Variants in CA10 observed in about 807,000 individuals in gnomAD.
CA10 encodes the protein carbonic anhydrase-related protein 10.
In CA10, 14 loss-of-function variants were observed where a neutral mutation model predicts 44.2. The ratio of observed to expected loss-of-function variants is 0.32; its 90% CI spans 0.21 to 0.50. The LOEUF is 0.50. CA10 is among the 20% of genes least tolerant of loss of function. The probability of loss-of-function intolerance (pLI) is 0.99; values close to 1 mark genes in which losing one functional copy is unlikely to be tolerated. For missense variants in CA10, 350 were observed against 409.7 expected (o/e 0.85, Z 1.26); for synonymous variants, 159 against 141.6 (o/e 1.12, Z -0.87).
At chr17:52,034,988 T>C (rs1171448187) in intron 2 of CA10, among the ~76,000 whole-genome samples, 1 of 152,076 alleles carries the variant, frequency 6.6e-6, no homozygotes, top group African/African-American at 2.4e-5. Flanking sequence ...ACAAAAGAAC[T>C]GTATAACTGG....
At chr17:51,988,345 G>A (rs1984919033) in intron 2 of CA10, among the ~76,000 whole-genome samples, 2 of 151,924 alleles carry the variant, frequency 1.3e-5, no homozygotes, top group South Asian at 2.1e-4. Context: ...ATGAAATGAA[G>A]CAGTCAGTAA....
chr17:51,793,433 C>G (rs1196551486), intron 3 of CA10, among the ~76,000 whole-genome samples: 1 of 152,194 alleles, frequency 6.6e-6, no homozygotes, highest in Non-Finnish European at 1.5e-5. Flanking sequence ...CAGACTGCAA[C>G]AAACTGAATC....
At chr17:51,838,711 T>A (rs1409436574) in intron 3 of CA10, among the ~76,000 whole-genome samples, 6 of 152,204 alleles carry the variant, frequency 3.9e-5, no homozygotes, top group Non-Finnish European at 5.9e-5. Flanking sequence ...AGCAAATATC[T>A]CTATATACAT....
chr17:51,789,306 G>T (rs538549194), intron 3 of CA10, among the ~76,000 whole-genome samples: 1 of 152,204 alleles, frequency 6.6e-6, no homozygotes, highest in Non-Finnish European at 1.5e-5. Flanking sequence ...GTGAGCCACC[G>T]TGCCCGGCCC....
At chr17:52,060,049 G>A (rs1205252704) in intron 2 of CA10, among the ~76,000 whole-genome samples, 1 of 152,082 alleles carries the variant, frequency 6.6e-6, no homozygotes, top group Non-Finnish European at 1.5e-5. Flanking sequence ...TTACTGATTG[G>A]TGATAGAAAT....
chr17:52,071,071 A>G (rs1243160770), intron 2 of CA10, among the ~76,000 whole-genome samples: 3 of 152,206 alleles, frequency 2.0e-5, no homozygotes. Context: ...GACATCCTCA[A>G]TTGTAAGTAT....
chr17:51,749,870 C>T (rs1904833666), intron 3 of CA10, among the ~76,000 whole-genome samples: 2 of 152,172 alleles, frequency 1.3e-5, no homozygotes, highest in Non-Finnish European at 1.5e-5. Context: ...ATCTTTGTGT[C>T]TCTTCGTTCT....
At chr17:52,005,081 C>T (rs1985551943) in intron 2 of CA10, among the ~76,000 whole-genome samples, 1 of 151,786 alleles carries the variant, frequency 6.6e-6, no homozygotes, top group Non-Finnish European at 1.5e-5. Context: ...AGTATATAAC[C>T]AAGATCCTGG....
At chr17:51,907,309 G>A (rs764912646) in intron 3 of CA10, among the ~76,000 whole-genome samples, 2 of 151,988 alleles carry the variant, frequency 1.3e-5, no homozygotes, top group Non-Finnish European at 2.9e-5. Context: ...ACTTAGGTTG[G>A]CTCAAATGTT....
chr17:52,093,041 A>T (rs1347223768), intron 1 of CA10, among the ~76,000 whole-genome samples: 1 of 152,120 alleles, frequency 6.6e-6, no homozygotes, highest in East Asian at 1.9e-4. Context: ...CGAGAAAAAA[A>T]ATTGGTTTTG....
At chr17:51,695,342 T>C (rs1296330256) in intron 4 of CA10, among the ~76,000 whole-genome samples, 1 of 151,978 alleles carries the variant, frequency 6.6e-6, no homozygotes, top group Non-Finnish European at 1.5e-5. Context: ...TTTTGTTTTG[T>C]TTTGTTTTTG....
At chr17:51,652,705 G>A (rs1169293402) in intron 5 of CA10, among the ~76,000 whole-genome samples, 1 of 152,194 alleles carries the variant, frequency 6.6e-6, no homozygotes. Context: ...TGCCCCAGGT[G>A]CCCATTCTTC....
At chr17:51,670,940 C>A (rs1420933998) in intron 4 of CA10, among the ~76,000 whole-genome samples, 1 of 152,124 alleles carries the variant, frequency 6.6e-6, no homozygotes, top group Non-Finnish European at 1.5e-5. Context: ...GTTATCTGGC[C>A]TCTAATAGAC....
chr17:52,022,427 C>T (rs1986171115), intron 2 of CA10, among the ~76,000 whole-genome samples: 1 of 152,006 alleles, frequency 6.6e-6, no homozygotes, highest in South Asian at 2.1e-4. Context: ...AAACCCTCAA[C>T]AAAGTAGGCA....
chr17:51,890,398 C>T (rs2143908002), intron 3 of CA10, among the ~76,000 whole-genome samples: 1 of 152,232 alleles, frequency 6.6e-6, no homozygotes, highest in Non-Finnish European at 1.5e-5. Context: ...CCTTGGCTTC[C>T]TCATTTGTAA....
intron 4 of CA10, 100 bp downstream of exon 4, chr17:51,747,533 A>T (rs1243140530): frequency 1.0e-6 from 1 of 957,876 alleles, no homozygotes; most frequent in Non-Finnish European, 1.6e-6. Flanking sequence ...TTCATAGATT[A>T]GAGCGAATCC....
At chr17:51,867,080 TA>T (rs757495783) in intron 3 of CA10, among the ~76,000 whole-genome samples, 89 of 147,116 alleles carry the variant, frequency 6.0e-4, no homozygotes, top group East Asian at 3.2e-3. Flanking sequence ...CCTGTGCTAT[TA>T]AAAAAAAAAG....
chr17:52,059,209 A>C (rs769513095), intron 2 of CA10, among the ~76,000 whole-genome samples: 1 of 152,188 alleles, frequency 6.6e-6, no homozygotes, highest in Non-Finnish European at 1.5e-5. Flanking sequence ...CTGTGGATGA[A>C]ATCAATATTC....
chr17:52,077,822 C>G (rs962928952), intron 1 of CA10, among the ~76,000 whole-genome samples: 8 of 152,146 alleles, frequency 5.3e-5, no homozygotes, highest in African/African-American at 1.9e-4. Context: ...TTCCATTGGG[C>G]TAAACCACCA....
Sources: gnomAD v4.1 joint callset for allele counts (sites outside exome capture counted in the v4.1 genomes callset) on GRCh38, gnomAD v4.1.1 for gene constraint, MANE v1.5 for transcripts, NCBI Gene and HGNC (gene_info 2026-07-23, HGNC 2026-07-21) for gene names.